The following KLHL29 variants were observed in gnomAD, a reference collection of about 807,000 sequenced individuals.
KLHL29 encodes kelch like family member 29, also known as kelch-like protein 29.
Under a neutral mutation model 80.4 loss-of-function variants are expected in KLHL29, and 21 were observed. The ratio of observed to expected loss-of-function variants is 0.26; its 90% CI spans 0.19 to 0.38. KLHL29 has a LOEUF of 0.38. Ranked by LOEUF, KLHL29 falls within the 10% of genes least tolerant of loss-of-function variation. The pLI, the probability that KLHL29 is intolerant of heterozygous loss-of-function variation, is 1.00. For missense variants in KLHL29, 867 were observed against 1,223.9 expected (o/e 0.71, Z 4.35); for synonymous variants, 511 against 526.8 (o/e 0.97, Z 0.41).
intron 5 of KLHL29, among the ~76,000 whole-genome samples, chr2:23,644,549 C>A (rs1669868308): frequency 6.6e-6 from 1 of 152,264 alleles, no homozygotes; most frequent in South Asian, 2.1e-4. Context: ...CAGCACCAAG[C>A]TGGGATCTGC....
At chr2:23,685,871 G>A (rs141988464) in intron 6 of KLHL29, among the ~76,000 whole-genome samples, 20 of 152,290 alleles carry the variant, frequency 1.3e-4, no homozygotes, top group Admixed American at 2.6e-4. Context: ...ATGGATGAGC[G>A]TCCTAGGGTC....
intron 2 of KLHL29, among the ~76,000 whole-genome samples, chr2:23,533,498 C>G (rs920171268): frequency 6.6e-6 from 1 of 152,140 alleles, no homozygotes; most frequent in African/African-American, 2.4e-5. Context: ...GCAGCTGATG[C>G]AAAACAAGGA....
At chr2:23,701,352 T>TA (rs1437962906) in intron 11 of KLHL29, among the ~76,000 whole-genome samples, 5 of 152,232 alleles carry the variant, frequency 3.3e-5, no homozygotes, top group African/African-American at 1.2e-4. Context: ...TTCCAGGACA[T>TA]ACTCCATCCT....
chr2:23,426,561 C>T (rs1008563954), intron 1 of KLHL29, among the ~76,000 whole-genome samples: 2 of 152,228 alleles, frequency 1.3e-5, no homozygotes, highest in Admixed American at 1.3e-4. Flanking sequence ...GCAAAGACAC[C>T]CTCCCCGCTG....
At chr2:23,492,005 G>A (rs1268093724) in intron 2 of KLHL29, among the ~76,000 whole-genome samples, 1 of 152,042 alleles carries the variant, frequency 6.6e-6, no homozygotes. Context: ...TCACCAACTG[G>A]CACCTGAGCA....
chr2:23,386,503 C>T (rs572699006), intron 1 of KLHL29, among the ~76,000 whole-genome samples: 1 of 152,252 alleles, frequency 6.6e-6, no homozygotes, highest in South Asian at 2.1e-4. Context: ...AAGGAGAGCT[C>T]ACGGGGACGG....
intron 1 of KLHL29, among the ~76,000 whole-genome samples, chr2:23,432,587 A>G (rs1269954997): frequency 6.6e-6 from 1 of 152,240 alleles, no homozygotes; most frequent in Non-Finnish European, 1.5e-5. Flanking sequence ...GCAGATTGTG[A>G]TAAGTGCTGT....
intron 1 of KLHL29, among the ~76,000 whole-genome samples, chr2:23,469,797 G>C (rs543901445): frequency 6.6e-6 from 1 of 152,280 alleles, no homozygotes; most frequent in African/African-American, 2.4e-5. Flanking sequence ...CAGTGCTGCT[G>C]TGGGTGAGTC....
At chr2:23,665,755 C>T (rs1034669483) in intron 5 of KLHL29, among the ~76,000 whole-genome samples, 2 of 152,146 alleles carry the variant, frequency 1.3e-5, no homozygotes, top group African/African-American at 4.8e-5. Context: ...CTTCTTTAAA[C>T]AACCAGGCCT....
chr2:23,701,460 C>G (rs1672358979), intron 11 of KLHL29, among the ~76,000 whole-genome samples: 1 of 152,204 alleles, frequency 6.6e-6, no homozygotes, highest in Admixed American at 6.5e-5. Flanking sequence ...CATCTGTAAT[C>G]CCAGCACTTT....
intron 3 of KLHL29, among the ~76,000 whole-genome samples, chr2:23,573,255 T>C (rs1220215354): frequency 1.3e-5 from 2 of 152,256 alleles, no homozygotes; most frequent in African/African-American, 4.8e-5. Context: ...TTGCCTGTAA[T>C]TCTCTGCAGC....
chr2:23,525,479 C>T (rs890113191), intron 2 of KLHL29, among the ~76,000 whole-genome samples: 2 of 152,244 alleles, frequency 1.3e-5, no homozygotes, highest in African/African-American at 2.4e-5. Flanking sequence ...GTGGCCGGAG[C>T]TTGCTGGCAT....
At chr2:23,676,040 GAGAC>G (rs1362389077) in intron 5 of KLHL29, among the ~76,000 whole-genome samples, 3 of 152,206 alleles carry the variant, frequency 2.0e-5, no homozygotes, top group African/African-American at 7.2e-5. Flanking sequence ...AATTAGAAAG[GAGAC>G]AGACAGACAG....
intron 2 of KLHL29, among the ~76,000 whole-genome samples, chr2:23,514,834 G>C (rs929147092): frequency 6.6e-6 from 1 of 152,156 alleles, no homozygotes; most frequent in Admixed American, 6.5e-5. Context: ...GCTTCAGTTG[G>C]TTCTTCCACC....
intron 3 of KLHL29, among the ~76,000 whole-genome samples, chr2:23,567,385 G>A (rs928464325): frequency 3.9e-5 from 6 of 152,184 alleles, no homozygotes; most frequent in African/African-American, 1.2e-4. Flanking sequence ...AATAAATCTA[G>A]CTGGGAAGCA....
intron 5 of KLHL29, among the ~76,000 whole-genome samples, chr2:23,663,452 G>T (rs1202701243): frequency 6.6e-6 from 1 of 152,218 alleles, no homozygotes; most frequent in Non-Finnish European, 1.5e-5. Context: ...GCCGGGGAGG[G>T]GACCACCGGG....
intron 1 of KLHL29, among the ~76,000 whole-genome samples, chr2:23,424,494 A>G (rs1662951595): frequency 6.6e-6 from 1 of 152,238 alleles, no homozygotes; most frequent in Non-Finnish European, 1.5e-5. Context: ...TGACAAAGAC[A>G]GGAAACATAA....
chr2:23,505,081 T>C (rs1253647875), intron 2 of KLHL29, among the ~76,000 whole-genome samples: 1 of 152,202 alleles, frequency 6.6e-6, no homozygotes, highest in Admixed American at 6.5e-5. Context: ...ACCAGAATGC[T>C]CTGTCTTCTC....
At chr2:23,438,403 A>T (rs531444579) in intron 1 of KLHL29, among the ~76,000 whole-genome samples, 1 of 132,456 alleles carries the variant, frequency 7.5e-6, no homozygotes, top group Non-Finnish European at 1.6e-5. Context: ...TTCAAAGGGA[A>T]TGCTTCCAGT....
Sources: gnomAD v4.1 joint callset for allele counts (sites outside exome capture counted in the v4.1 genomes callset) on GRCh38, gnomAD v4.1.1 for gene constraint, MANE v1.5 for transcripts, NCBI Gene and HGNC (gene_info 2026-07-23, HGNC 2026-07-21) for gene names.